Variants in HS3ST4 observed in about 807,000 individuals in gnomAD.
HS3ST4 encodes heparan sulfate glucosamine 3-O-sulfotransferase 4.
A neutral mutation model predicts 29.2 loss-of-function variants in HS3ST4; 17 were observed. The observed-to-expected ratio is 0.58, with a 90% CI of 0.40 to 0.87. The LOEUF is 0.87. Ranked by LOEUF, HS3ST4 falls within the 40% of genes least tolerant of loss-of-function variation. The pLI, the probability that HS3ST4 is intolerant of heterozygous loss-of-function variation, is 0.00. For missense variants in HS3ST4, 627 were observed against 634.5 expected (o/e 0.99, Z 0.13); for synonymous variants, 314 against 285.7 (o/e 1.10, Z -1.00).
At chr16:25,959,962 C>G (rs2141701275) in intron 1 of HS3ST4, among the ~76,000 whole-genome samples, 1 of 152,198 alleles carries the variant, frequency 6.6e-6, no homozygotes, top group South Asian at 2.1e-4. Flanking sequence ...TGGTGAAACT[C>G]CATCTCTACC....
chr16:25,939,300 A>C lies in HS3ST4; in HGVS notation c.735-196312A>C, dbSNP rs138501554. ...ACTCTTTCAACTTTTAAATGCTGACAGCATTTATTATTATTATTATTATTA... is the reference window on the plus strand; with the variant it reads ...ACTCTTTCAACTTTTAAATGCTGACCGCATTTATTATTATTATTATTATTA... On this transcript the variant is annotated intron_variant, in intron 1 of 1. Transcript: ENST00000331351. 2.5e-3 allele frequency among the ~76,000 whole-genome samples: 374 copies of C among 148,188 alleles called. 2 individuals carry two copies. The highest frequency in any genetic ancestry group is 8.7e-3 in the African/African-American group (344 of 39,624).
chr16:26,037,541 A>C (rs1441249087), intron 1 of HS3ST4, among the ~76,000 whole-genome samples: 3 of 152,224 alleles, frequency 2.0e-5, no homozygotes, highest in Non-Finnish European at 2.9e-5. Context: ...ACCATAAGCT[A>C]GGAGCCAGCT....
intron 1 of HS3ST4, among the ~76,000 whole-genome samples, chr16:25,957,125 G>A (rs1249795429): frequency 1.3e-5 from 2 of 152,096 alleles, no homozygotes; most frequent in South Asian, 2.1e-4. Flanking sequence ...GGCAGGAAGA[G>A]GCTGGAGAAT....
At chr16:25,822,811 C>T (rs1023227434) in intron 1 of HS3ST4, among the ~76,000 whole-genome samples, 2 of 151,994 alleles carry the variant, frequency 1.3e-5, no homozygotes, top group Admixed American at 1.3e-4. Flanking sequence ...GATCTCAGCT[C>T]ACTGCAACCT....
At chr16:25,962,485 A>G (rs1390043394) in intron 1 of HS3ST4, among the ~76,000 whole-genome samples, 2 of 152,154 alleles carry the variant, frequency 1.3e-5, no homozygotes, top group Non-Finnish European at 2.9e-5. Flanking sequence ...AGTCAGGGTA[A>G]TGAATTTGTG....
intron 1 of HS3ST4, among the ~76,000 whole-genome samples, chr16:25,708,624 A>G (rs547021941): frequency 8.5e-4 from 129 of 152,324 alleles, no homozygotes; most frequent in African/African-American, 2.9e-3. Flanking sequence ...TTGCTACATT[A>G]CCCATTTAGA....
chr16:25,905,159 T>G (rs1004518315), intron 1 of HS3ST4, among the ~76,000 whole-genome samples: 2 of 151,932 alleles, frequency 1.3e-5, no homozygotes, highest in African/African-American at 2.4e-5. Context: ...AGGAGCTGGG[T>G]GGTATAGCTG....
At chr16:25,789,531 CTCT>C (rs1966864461) in intron 1 of HS3ST4, among the ~76,000 whole-genome samples, 1 of 149,440 alleles carries the variant, frequency 6.7e-6, no homozygotes. Flanking sequence ...CCCCCTCCTC[CTCT>C]TTTTTTCTTC....
intron 1 of HS3ST4, among the ~76,000 whole-genome samples, chr16:25,762,080 A>T (rs1966791706): frequency 6.6e-6 from 1 of 152,194 alleles, no homozygotes; most frequent in Non-Finnish European, 1.5e-5. Flanking sequence ...TGATAGGATT[A>T]GTGTCCCTCT....
Position 26,129,622 on chromosome 16 carries a change from A to T in HS3ST4, c.735-5990A>T, listed in dbSNP as rs1899391168. 2.0e-5 allele frequency among the ~76,000 whole-genome samples: 3 copies of T among 152,218 alleles called. 1 individual carries two copies. In the South Asian group the frequency reaches 6.2e-4, roughly 31 times the overall value. On this transcript the variant is annotated intron_variant, in intron 1 of 1. Transcript: ENST00000331351. ...TCTCAAACTCCCCATGAGAAGGGGTATTATTAGTATGATGCCTGGTTTTCA... is the reference window on the plus strand; with the variant it reads ...TCTCAAACTCCCCATGAGAAGGGGTTTTATTAGTATGATGCCTGGTTTTCA...
intron 1 of HS3ST4, among the ~76,000 whole-genome samples, chr16:25,764,737 C>T (rs1966807377): frequency 1.3e-5 from 2 of 152,182 alleles, no homozygotes; most frequent in African/African-American, 2.4e-5. Flanking sequence ...AATAATGTAA[C>T]CATGAGTGGT....
At chr16:26,078,399 C>T (rs996185728) in intron 1 of HS3ST4, among the ~76,000 whole-genome samples, 6 of 152,202 alleles carry the variant, frequency 3.9e-5, no homozygotes, top group Non-Finnish European at 8.8e-5. Flanking sequence ...TCAGCCGCTT[C>T]GGCCTCCCAA....
intron 1 of HS3ST4, among the ~76,000 whole-genome samples, chr16:25,880,022 CAT>C (rs952848023): frequency 1.3e-5 from 2 of 152,098 alleles, no homozygotes; most frequent in Admixed American, 6.5e-5. Flanking sequence ...CCACCCTTGA[CAT>C]GTGGGGATTA....
intron 1 of HS3ST4, among the ~76,000 whole-genome samples, chr16:26,101,073 C>T (rs535882499): frequency 5.6e-4 from 85 of 152,306 alleles, no homozygotes; most frequent in Middle Eastern, 6.8e-3. Flanking sequence ...CAACAGAAAC[C>T]GTTTACTCCA....
intron 1 of HS3ST4, among the ~76,000 whole-genome samples, chr16:26,023,002 A>G (rs917644097): frequency 6.6e-6 from 1 of 152,108 alleles, no homozygotes; most frequent in African/African-American, 2.4e-5. Flanking sequence ...AGGTCATGCC[A>G]TTGCACTCCA....
intron 1 of HS3ST4, among the ~76,000 whole-genome samples, chr16:25,926,744 G>A (rs1260573868): frequency 6.6e-6 from 1 of 152,186 alleles, no homozygotes; most frequent in Non-Finnish European, 1.5e-5. Flanking sequence ...CCTTAGATCT[G>A]GTTCTGTTTA....
intron 1 of HS3ST4, among the ~76,000 whole-genome samples, chr16:25,944,390 G>A (rs576142429): frequency 1.3e-5 from 2 of 152,342 alleles, no homozygotes; most frequent in Admixed American, 6.5e-5. Context: ...CCCTGGGAAT[G>A]TTGCCACCTG....
intron 1 of HS3ST4, among the ~76,000 whole-genome samples, chr16:26,010,118 G>C (rs1316236522): frequency 6.6e-6 from 1 of 152,146 alleles, no homozygotes; most frequent in Admixed American, 6.6e-5. Context: ...GACTAGAATG[G>C]GTGTGGGCTT....
At chr16:25,991,210 G>A (rs1969110848) in intron 1 of HS3ST4, among the ~76,000 whole-genome samples, 1 of 152,174 alleles carries the variant, frequency 6.6e-6, no homozygotes, top group Non-Finnish European at 1.5e-5. Context: ...GGCAGCAGAT[G>A]TGTTTATATG....
Sources: gnomAD v4.1 joint callset for allele counts (sites outside exome capture counted in the v4.1 genomes callset) on GRCh38, gnomAD v4.1.1 for gene constraint, MANE v1.5 for transcripts, NCBI Gene and HGNC (gene_info 2026-07-23, HGNC 2026-07-21) for gene names.